INPP5A: variants seen among roughly 807,000 people sequenced by gnomAD.
The protein encoded by INPP5A is inositol polyphosphate-5-phosphatase A.
A neutral mutation model predicts 65.2 loss-of-function variants in INPP5A; 14 were observed. That is an observed-to-expected ratio of 0.21 (90% CI 0.14 to 0.34). The LOEUF (loss-of-function observed/expected upper bound fraction) is 0.34, where lower values mean the gene tolerates loss of function less well. Among genes scored for constraint, INPP5A ranks in the 10% least tolerant of loss-of-function variants. INPP5A has a pLI of 1.00. For synonymous variants in INPP5A, 207 were observed against 208.3 expected (o/e 0.99, Z 0.05); for missense variants, 431 against 545.6 (o/e 0.79, Z 2.09).
At position 132,546,599 on chromosome 10, in the gene INPP5A, A is replaced by G. The variant is rs988439354; in HGVS notation, c.75+8428A>G. Among the ~76,000 whole-genome samples the G allele has an allele frequency of 6.6e-6, 1 of 151,948 alleles. No individual in the cohort carries two copies. Among genetic ancestry groups the G allele is most frequent in the African/African-American group, 2.4e-5 (1 of 41,354 alleles). On this transcript the variant is annotated intron_variant, in intron 1 of 15. Coordinates refer to ENST00000368594, the MANE Select transcript of INPP5A (RefSeq NM_005539.5). This position sits in a 1 kb window ranked among gnomAD's most constrained non-coding sequence, Gnocchi z 5.7. ...GTAGGGCTGCCTCGGCTGCTGGGGCAGCTTTCCCCGGCCCCTTCCCCGCCT... is the reference window on the plus strand; with the variant it reads ...GTAGGGCTGCCTCGGCTGCTGGGGCGGCTTTCCCCGGCCCCTTCCCCGCCT...
At chr10:132,778,171 T>C (rs12246036) in intron 13 of INPP5A, among the ~76,000 whole-genome samples, 215 of 152,234 alleles carry the variant, frequency 1.4e-3, no homozygotes, top group African/African-American at 4.9e-3. Flanking sequence ...CTGAGGTTGT[T>C]TTCCTAAGTT....
At chr10:132,600,450 A>G (rs530190899) in intron 1 of INPP5A, among the ~76,000 whole-genome samples, 1 of 152,314 alleles carries the variant, frequency 6.6e-6, no homozygotes, top group Non-Finnish European at 1.5e-5. Context: ...TACTGTCTGT[A>G]TTGCTGTTGG....
intron 8 of INPP5A, among the ~76,000 whole-genome samples, chr10:132,720,230 C>T (rs1384195124): frequency 6.7e-6 from 1 of 148,442 alleles, no homozygotes; most frequent in African/African-American, 2.5e-5. Context: ...TCTGTCTGGG[C>T]ACCTTAGACG....
chr10:132,634,018 A>G (rs550043922), intron 2 of INPP5A, among the ~76,000 whole-genome samples: 4 of 152,220 alleles, frequency 2.6e-5, no homozygotes, highest in Non-Finnish European at 5.9e-5. Context: ...TGACTATTTC[A>G]GTAGGTATTT....
chr10:132,726,831 C>G lies in INPP5A; in HGVS notation c.658C>G (p.Gln220Glu). ...LGYVLDRIID[Q>E]RFEKVSYFVF... is the part of the protein sequence containing the mutation. ...TCTTTTTCTTTCCAGAATCATTGATCAGCGATTCGAGAAGGTTTCCTACTT... is the reference window on the plus strand; with the variant it reads ...TCTTTTTCTTTCCAGAATCATTGATGAGCGATTCGAGAAGGTTTCCTACTT... Residue 220 changes from glutamine (Q) to glutamate (E), a missense_variant, in exon 9 of 16, where the codon CAG becomes GAG. Gln to Glu is a conservative substitution (Grantham distance 29). Coordinates refer to ENST00000368594, the MANE Select transcript of INPP5A (RefSeq NM_005539.5). 3 of 1,602,062 alleles carry G rather than the reference C, an allele frequency of 1.9e-6. No homozygotes were observed. Among genetic ancestry groups the G allele is most frequent in the Non-Finnish European group, 2.6e-6 (3 of 1,171,206 alleles).
chr10:132,729,599 C>G (rs987900266), intron 9 of INPP5A, among the ~76,000 whole-genome samples: 7 of 152,182 alleles, frequency 4.6e-5, no homozygotes, highest in African/African-American at 1.7e-4. Context: ...TGCTCGCCCC[C>G]ACCTGTACCC....
chr10:132,732,877 C>T (rs948857460), intron 9 of INPP5A, among the ~76,000 whole-genome samples: 1 of 152,156 alleles, frequency 6.6e-6, no homozygotes, highest in African/African-American at 2.4e-5. Context: ...GTGGATCCCT[C>T]CCGCGCAGAG....
chr10:132,685,114 T>C (rs574770565), intron 4 of INPP5A, among the ~76,000 whole-genome samples: 1 of 152,318 alleles, frequency 6.6e-6, no homozygotes, highest in African/African-American at 2.4e-5. Flanking sequence ...CAAAATGTCA[T>C]GCTGTCTCAG....
intron 1 of INPP5A, among the ~76,000 whole-genome samples, chr10:132,607,615 C>T (rs2071874927): frequency 6.6e-6 from 1 of 152,264 alleles, no homozygotes; most frequent in Admixed American, 6.5e-5. Context: ...GCTGGAGCAA[C>T]ACAGAGCCTT....
intron 8 of INPP5A, among the ~76,000 whole-genome samples, chr10:132,720,175 T>C (rs537201044): frequency 9.8e-4 from 147 of 150,332 alleles, no homozygotes; most frequent in Admixed American, 3.8e-3. Context: ...GGGTTCTGTC[T>C]GGGCACCTTA....
intron 11 of INPP5A, among the ~76,000 whole-genome samples, chr10:132,764,353 AG>A (rs747437092): frequency 6.6e-6 from 1 of 152,198 alleles, no homozygotes; most frequent in Non-Finnish European, 1.5e-5. Flanking sequence ...GTGACCGCAC[AG>A]GAACATGGCC....
At position 132,537,827 on chromosome 10, in the gene INPP5A, T is replaced by C. The variant is rs1014384573; in HGVS notation, c.-270T>C. 3.0e-6 allele frequency: 1 copy of C among 334,922 alleles called. No individual in the cohort carries two copies. Among genetic ancestry groups the C allele is most frequent in the African/African-American group, 2.2e-5 (1 of 45,666 alleles). The allele number at this position is 334,922 out of a possible 1,614,324, so 20.7% of individuals were successfully genotyped here. ...GAGTCGGCGGCGGCTGCGGGAACTT[T>C]CCCAGCGGATCTAATGGCTGCGCGC... On this transcript the variant is annotated 5_prime_UTR_variant, in exon 1 of 16. Transcript: ENST00000368594.
intron 12 of INPP5A, among the ~76,000 whole-genome samples, chr10:132,776,779 C>A (rs899925499): frequency 6.6e-6 from 1 of 152,126 alleles, no homozygotes; most frequent in Admixed American, 6.5e-5. Context: ...AACCTGCAGG[C>A]CCGGAAGTGG....
At chr10:132,725,189 A>T (rs1275980610) in intron 8 of INPP5A, among the ~76,000 whole-genome samples, 2 of 152,252 alleles carry the variant, frequency 1.3e-5, no homozygotes, top group Non-Finnish European at 2.9e-5. Flanking sequence ...ATGTAGATTT[A>T]AAAATATTGA....
intron 8 of INPP5A, among the ~76,000 whole-genome samples, chr10:132,721,176 G>A (rs1845870047): frequency 6.7e-6 from 1 of 150,142 alleles, no homozygotes; most frequent in Non-Finnish European, 1.5e-5. Context: ...CTGTCTTCAG[G>A]GTTCTGTGAT....
intron 4 of INPP5A, among the ~76,000 whole-genome samples, chr10:132,690,059 C>A (rs535586305): frequency 6.6e-6 from 1 of 152,302 alleles, no homozygotes; most frequent in African/African-American, 2.4e-5. Flanking sequence ...CAATGCCCAG[C>A]CCGCGGGACC....
chr10:132,605,409 C>A (rs1466199149), intron 1 of INPP5A, among the ~76,000 whole-genome samples: 3 of 136,152 alleles, frequency 2.2e-5, no homozygotes, highest in Admixed American at 2.2e-4. Context: ...GGGAGTGGAT[C>A]CCCAGGAGGG....
chr10:132,538,054 C>G lies in INPP5A; in HGVS notation c.-43C>G. The G allele has an allele frequency of 9.9e-7, 1 of 1,006,106 alleles. No individual in the cohort carries two copies. Among genetic ancestry groups the G allele is most frequent in the East Asian group, 7.6e-5 (1 of 13,156 alleles). The allele number at this position is 1,006,106 out of a possible 1,614,324, so 62.3% of individuals were successfully genotyped here. On this transcript the variant is annotated 5_prime_UTR_variant, in exon 1 of 16. Coordinates refer to ENST00000368594, the MANE Select transcript of INPP5A (RefSeq NM_005539.5). The surrounding 1 kb of genome is among the most constrained non-coding windows in gnomAD (Gnocchi z 4.1). ...CGGCCGGTCCCGGAGGAAGCGGCCG[C>G]CGCCGCCGCCGCCCAGCCCAGCGCC... is the stretch of plus-strand genomic sequence containing the variant.
intron 12 of INPP5A, among the ~76,000 whole-genome samples, chr10:132,774,846 G>GGA (rs1565013430): frequency 2.2e-5 from 2 of 91,162 alleles, no homozygotes; most frequent in Admixed American, 1.1e-4. Context: ...GAGAGGGGTA[G>GGA]GGAGAGACGG....
Sources: gnomAD v4.1 joint callset for allele counts (sites outside exome capture counted in the v4.1 genomes callset) on GRCh38, gnomAD v4.1.1 for gene constraint, Gnocchi (gnomAD v3.1) non-coding constraint, MANE v1.5 for transcripts, NCBI Gene and HGNC (gene_info 2026-07-23, HGNC 2026-07-21) for gene names.